The following LSAMP variants were observed in gnomAD, a reference collection of about 807,000 sequenced individuals.
The protein encoded by LSAMP is limbic system associated membrane protein.
In LSAMP, 7 loss-of-function variants were observed where a neutral mutation model predicts 38.6. The observed-to-expected ratio is 0.18, with a 90% confidence interval of 0.10 to 0.34. The LOEUF (loss-of-function observed/expected upper bound fraction) is 0.34, where lower values mean the gene tolerates loss of function less well. Among genes scored for constraint, LSAMP ranks in the 10% least tolerant of loss-of-function variants. The pLI, the probability that LSAMP is intolerant of heterozygous loss-of-function variation, is 1.00. For synonymous variants in LSAMP, 154 were observed against 166.8 expected (o/e 0.92, Z 0.59); for missense variants, 313 against 420.0 (o/e 0.75, Z 2.23).
intron 6 of LSAMP, among the ~76,000 whole-genome samples, chr3:115,826,017 C>T (rs1202989764): frequency 2.0e-5 from 3 of 152,014 alleles, no homozygotes; most frequent in Non-Finnish European, 2.9e-5. Flanking sequence ...ATAGTGGATC[C>T]CTGTGAGTTA....
intron 1 of LSAMP, among the ~76,000 whole-genome samples, chr3:116,146,199 T>C (rs1416185337): frequency 1.3e-5 from 2 of 151,914 alleles, no homozygotes; most frequent in African/African-American, 2.4e-5. Context: ...TTCTGATCTG[T>C]ATTGGCCTAT....
intron 3 of LSAMP, among the ~76,000 whole-genome samples, chr3:115,853,755 A>G (rs893708286): frequency 6.6e-6 from 1 of 152,134 alleles, no homozygotes; most frequent in Non-Finnish European, 1.5e-5. Context: ...GAACCCCCTC[A>G]CCCCAAAATT....
intron 6 of LSAMP, among the ~76,000 whole-genome samples, chr3:115,840,864 A>G (rs1359494978): frequency 4.6e-5 from 7 of 152,220 alleles, no homozygotes; most frequent in Non-Finnish European, 4.4e-5. Context: ...TGTTATTCCA[A>G]AATAATAACA....
At position 116,066,918 on chromosome 3, in the gene LSAMP, C is replaced by A. The variant is rs9852955; in HGVS notation, c.388+19406G>T. On this transcript the variant is annotated intron_variant, in intron 2 of 6. Coordinates refer to ENST00000490035, the MANE Select transcript of LSAMP (RefSeq NM_002338.5). Reference sequence around the variant, plus strand: ...ATGTGCCTGCCCCCATTTTTTTTTGCAAATAAGTATTCTATATTTGATATT... The same window carrying A: ...ATGTGCCTGCCCCCATTTTTTTTTGAAAATAAGTATTCTATATTTGATATT... Among the ~76,000 whole-genome samples, 1,376 of 151,394 alleles carry A rather than the reference C, an allele frequency of 9.1e-3. 26 individuals carry two copies. The highest frequency in any genetic ancestry group is 0.03 in the African/African-American group (1,242 of 41,284).
chr3:116,174,294 A>C (rs1710281102), intron 1 of LSAMP, among the ~76,000 whole-genome samples: 1 of 151,954 alleles, frequency 6.6e-6, no homozygotes, highest in Admixed American at 6.6e-5. Context: ...AATATTCTGC[A>C]AGCCATATTC....
chr3:116,017,848 A>C (rs1335918925), intron 3 of LSAMP, among the ~76,000 whole-genome samples: 1 of 152,190 alleles, frequency 6.6e-6, no homozygotes, highest in Non-Finnish European at 1.5e-5. Flanking sequence ...CAATGATTTT[A>C]GAAGGTGTCT....
intron 1 of LSAMP, among the ~76,000 whole-genome samples, chr3:116,219,899 G>A (rs951630054): frequency 1.3e-5 from 2 of 152,032 alleles, no homozygotes; most frequent in Admixed American, 1.3e-4. Flanking sequence ...AATGAGCCGG[G>A]GACAGTTGCT....
At chr3:116,019,675 T>G (rs765852656) in intron 2 of LSAMP, 35 bp from the exon 3 acceptor site, 3 of 1,602,566 alleles carry the variant, frequency 1.9e-6, no homozygotes, top group Non-Finnish European at 2.6e-6. Flanking sequence ...TATGTAACCA[T>G]GTCAGTAAGA....
At chr3:116,173,124 T>C (rs908289080) in intron 1 of LSAMP, among the ~76,000 whole-genome samples, 1 of 152,052 alleles carries the variant, frequency 6.6e-6, no homozygotes, top group Non-Finnish European at 1.5e-5. Context: ...AAGTCCTTTA[T>C]GGTTATGGGT....
At chr3:116,177,283 T>C (rs1559771268) in intron 1 of LSAMP, among the ~76,000 whole-genome samples, 1 of 152,026 alleles carries the variant, frequency 6.6e-6, no homozygotes, top group Non-Finnish European at 1.5e-5. Flanking sequence ...GTCTCAGAGA[T>C]TTAAGATAAG....
chr3:116,353,683 C>T (rs1253179303), intron 1 of LSAMP, among the ~76,000 whole-genome samples: 2 of 151,912 alleles, frequency 1.3e-5, no homozygotes, highest in African/African-American at 4.8e-5. Context: ...AGAGAAGAGG[C>T]AAAGAGTATA....
At position 116,297,634 on chromosome 3, in the gene LSAMP, TCAGTCTTATC is replaced by T. The variant is rs1413450605; in HGVS notation, c.155+147233_155+147242del. Among the ~76,000 whole-genome samples the T allele has an allele frequency of 8.5e-5, 13 of 152,278 alleles. No homozygotes were observed. The East Asian group carries it at 2.1e-3, about 25-fold the overall frequency. On this transcript the variant is annotated intron_variant, in intron 1 of 6. Transcript: ENST00000490035. ...TTTCAATCCATTTACCTTATTTTTGTCAGTCTTATCCTGGAAATGTCTTTCTGGATAGACT... is the reference window on the plus strand; with the variant it reads ...TTTCAATCCATTTACCTTATTTTTGTCTGGAAATGTCTTTCTGGATAGACT...
At chr3:116,047,446 G>C (rs1001954011) in intron 2 of LSAMP, among the ~76,000 whole-genome samples, 1 of 149,550 alleles carries the variant, frequency 6.7e-6, no homozygotes, top group South Asian at 2.1e-4. Context: ...GGTGTTTAAA[G>C]CCCATCATTC....
At chr3:116,129,117 C>T (rs1033870177) in intron 1 of LSAMP, among the ~76,000 whole-genome samples, 4 of 151,990 alleles carry the variant, frequency 2.6e-5, no homozygotes, top group African/African-American at 7.3e-5. Context: ...AAACATAAAA[C>T]GTGAATTCAT....
intron 1 of LSAMP, among the ~76,000 whole-genome samples, chr3:116,140,882 AAAG>A (rs1420559660): frequency 6.6e-6 from 1 of 151,972 alleles, no homozygotes; most frequent in East Asian, 1.9e-4. Flanking sequence ...GGTTTCTGGA[AAAG>A]AAGAATAGGA....
chr3:116,349,318 C>A (rs2048106137), intron 1 of LSAMP, among the ~76,000 whole-genome samples: 1 of 151,832 alleles, frequency 6.6e-6, no homozygotes, highest in African/African-American at 2.4e-5. Flanking sequence ...GAAGTCCATA[C>A]TGTGGAATAT....
chr3:116,222,397 A>G (rs1387244025), intron 1 of LSAMP, among the ~76,000 whole-genome samples: 5 of 152,078 alleles, frequency 3.3e-5, no homozygotes, highest in Non-Finnish European at 1.5e-5. Context: ...GCTCATTTTA[A>G]ACTTTTAAAA....
chr3:116,425,847 T>C (rs545127280), intron 1 of LSAMP, among the ~76,000 whole-genome samples: 1 of 146,052 alleles, frequency 6.8e-6, no homozygotes, highest in South Asian at 2.3e-4. Flanking sequence ...GGTAAATAGA[T>C]GGGAAAAAAA....
chr3:116,147,864 C>T (rs558988822), intron 1 of LSAMP, among the ~76,000 whole-genome samples: 3 of 151,996 alleles, frequency 2.0e-5, no homozygotes, highest in African/African-American at 7.2e-5. Context: ...TTCTCCTTTA[C>T]CCAGCTGACA....
Sources: allele counts gnomAD v4.1 joint callset (sites outside exome capture counted in the v4.1 genomes callset), GRCh38; gene constraint gnomAD v4.1.1; transcripts MANE v1.5; gene names NCBI Gene and HGNC (gene_info 2026-07-23, HGNC 2026-07-21).